XKR9: variants seen among roughly 807,000 people sequenced by gnomAD.
XKR9 encodes XK-related protein 9.
Under a neutral mutation model 32.0 loss-of-function variants are expected in XKR9, and 32 were observed. The ratio of observed to expected loss-of-function variants is 1.00; its 90% CI spans 0.76 to 1.34. The LOEUF (loss-of-function observed/expected upper bound fraction) is 1.34, where lower values mean the gene tolerates loss of function less well. XKR9 is among the 40% of genes most tolerant of loss of function. The pLI, the probability that XKR9 is intolerant of heterozygous loss-of-function variation, is 0.00. For missense variants in XKR9, 546 were observed against 429.7 expected (o/e 1.27, Z -2.39); for synonymous variants, 168 against 143.4 (o/e 1.17, Z -1.22).
chr8:70,889,768 T>C, the XKR9 span, among the ~76,000 whole-genome samples: 1 of 152,058 alleles, frequency 6.6e-6, no homozygotes, highest in Non-Finnish European at 1.5e-5. Context: ...TTTTTATGGC[T>C]GTGTAGTATT....
chr8:70,846,082 C>T, the XKR9 span, among the ~76,000 whole-genome samples: 1 of 151,964 alleles, frequency 6.6e-6, no homozygotes, highest in Admixed American at 6.6e-5. Flanking sequence ...AAGGGAGCCC[C>T]CATCAGGTGA....
chr8:70,845,385 C>T, the XKR9 span, among the ~76,000 whole-genome samples: 2 of 152,018 alleles, frequency 1.3e-5, no homozygotes, highest in Admixed American at 6.6e-5. Flanking sequence ...ATGGAAAAGC[C>T]GAGGAAATAC....
the XKR9 span, among the ~76,000 whole-genome samples, chr8:70,812,888 A>G: frequency 5.4e-3 from 827 of 152,328 alleles, 12 homozygotes; most frequent in African/African-American, 0.019. Flanking sequence ...TATAGATTCA[A>G]TGTCATCCCC....
At chr8:70,813,407 A>G in the XKR9 span, among the ~76,000 whole-genome samples, 2 of 152,244 alleles carry the variant, frequency 1.3e-5, no homozygotes, top group African/African-American at 4.8e-5. Flanking sequence ...TAAAACACCA[A>G]AAGCAATGGC....
At chr8:71,005,071 G>T in the XKR9 span, among the ~76,000 whole-genome samples, 4 of 118,020 alleles carry the variant, frequency 3.4e-5, no homozygotes, top group East Asian at 8.8e-4. Context: ...TCTTGAACTG[G>T]CTTCCCACCT....
At chr8:70,670,690 C>T (rs1048106825) in intron 1 of XKR9, 1 of 152,086 alleles carries the variant, frequency 6.6e-6, no homozygotes, top group Non-Finnish European at 1.5e-5. Flanking sequence ...TGCCTTGTTT[C>T]ACACAGTTGT....
At chr8:70,813,644 C>G in the XKR9 span, among the ~76,000 whole-genome samples, 1 of 152,164 alleles carries the variant, frequency 6.6e-6, no homozygotes, top group East Asian at 1.9e-4. Context: ...TATGAACAGA[C>G]ACTTCTTCAA....
At chr8:70,993,656 TC>T in the XKR9 span, among the ~76,000 whole-genome samples, 1 of 141,978 alleles carries the variant, frequency 7.0e-6, no homozygotes, top group Non-Finnish European at 1.5e-5. Context: ...CTTCCTTCCT[TC>T]CTTCCTTCCT....
intron 1 of XKR9, among the ~76,000 whole-genome samples, chr8:70,670,280 G>A (rs1261703078): frequency 1.3e-5 from 2 of 152,114 alleles, no homozygotes; most frequent in African/African-American, 2.4e-5. Flanking sequence ...TTGTGGAGCC[G>A]TTTTGTGCCC....
chr8:70,752,892 C>G (rs966896830), intron 2 of XKR9, among the ~76,000 whole-genome samples: 1 of 152,108 alleles, frequency 6.6e-6, no homozygotes, highest in Non-Finnish European at 1.5e-5. Context: ...CAAAAGCTAG[C>G]AGAAGGCAAG....
chr8:70,751,873 CAGT>C (rs1307950871), intron 2 of XKR9, among the ~76,000 whole-genome samples: 1 of 152,168 alleles, frequency 6.6e-6, no homozygotes, highest in Non-Finnish European at 1.5e-5. Flanking sequence ...CTTGGTTTTC[CAGT>C]TTGCAGACAT....
chr8:70,967,360 T>C, the XKR9 span, among the ~76,000 whole-genome samples: 272 of 152,264 alleles, frequency 1.8e-3, 1 homozygote, highest in Admixed American at 3.9e-3. Flanking sequence ...TGAGCCACCA[T>C]GCCTGGCCGG....
chr8:70,883,014 T>G, the XKR9 span, among the ~76,000 whole-genome samples: 1 of 151,832 alleles, frequency 6.6e-6, no homozygotes, highest in South Asian at 2.1e-4. Context: ...GGGGTAGAGA[T>G]AGTTTTTGGT....
At chr8:70,879,500 C>T in the XKR9 span, among the ~76,000 whole-genome samples, 1 of 152,096 alleles carries the variant, frequency 6.6e-6, no homozygotes, top group African/African-American at 2.4e-5. Flanking sequence ...CACAGAAATA[C>T]AAACTACCAT....
the XKR9 span, among the ~76,000 whole-genome samples, chr8:70,802,114 T>C: frequency 1.3e-5 from 2 of 151,960 alleles, no homozygotes; most frequent in East Asian, 3.9e-4. Flanking sequence ...TTTTTTGTAT[T>C]TTTAGTAGAC....
the XKR9 span, among the ~76,000 whole-genome samples, chr8:71,047,089 T>C: frequency 6.6e-6 from 1 of 152,238 alleles, no homozygotes; most frequent in Non-Finnish European, 1.5e-5. Context: ...CTTGACGTTG[T>C]TAGATTTATA....
chr8:70,781,508 A>G (rs2130252895), intron 2 of XKR9, among the ~76,000 whole-genome samples: 1 of 151,324 alleles, frequency 6.6e-6, no homozygotes. Flanking sequence ...ATATCCATTA[A>G]CTCAAACATT....
chr8:70,875,107 G>C, the XKR9 span, among the ~76,000 whole-genome samples: 1 of 152,140 alleles, frequency 6.6e-6, no homozygotes, highest in East Asian at 1.9e-4. Flanking sequence ...TGTTAACATA[G>C]AGGGAGGTCC....
the XKR9 span, among the ~76,000 whole-genome samples, chr8:70,845,672 T>C: frequency 3.9e-5 from 6 of 152,050 alleles, no homozygotes; most frequent in Non-Finnish European, 8.8e-5. Flanking sequence ...GCTTCAACAA[T>C]AGACTAGAGC....
Sources: allele counts gnomAD v4.1 joint callset (sites outside exome capture counted in the v4.1 genomes callset), GRCh38; gene constraint gnomAD v4.1.1; transcripts MANE v1.5; gene names NCBI Gene and HGNC (gene_info 2026-07-23, HGNC 2026-07-21).